The following EML5 variants were observed in gnomAD, a reference collection of about 807,000 sequenced individuals.
EML5 encodes echinoderm microtubule-associated protein-like 5.
A neutral mutation model predicts 250.0 loss-of-function variants in EML5; 120 were observed. The ratio of observed to expected loss-of-function variants is 0.48; its 90% confidence interval spans 0.41 to 0.56. EML5 has a LOEUF of 0.56. Among genes scored for constraint, EML5 ranks in the 20% least tolerant of loss-of-function variants. The probability of loss-of-function intolerance (pLI) is 0.00; values close to 1 mark genes in which losing one functional copy is unlikely to be tolerated. For synonymous variants in EML5, 771 were observed against 806.5 expected (o/e 0.96, Z 0.75); for missense variants, 2,006 against 2,437.6 (o/e 0.82, Z 3.73).
intron 1 of EML5, among the ~76,000 whole-genome samples, chr14:88,773,846 T>C (rs1422063431): frequency 1.3e-5 from 2 of 152,104 alleles, no homozygotes; most frequent in African/African-American, 2.4e-5. Flanking sequence ...GGGCCGGGCA[T>C]AGTGGCTCAT....
chr14:88,631,625 C>T (rs781293062), intron 33 of EML5, among the ~76,000 whole-genome samples: 40 of 152,184 alleles, frequency 2.6e-4, no homozygotes, highest in Non-Finnish European at 4.9e-4. Flanking sequence ...AAAAAGTTAG[C>T]TGGGCGTGGT....
At chr14:88,666,535 A>T (rs943508375) in intron 21 of EML5, among the ~76,000 whole-genome samples, 1 of 152,144 alleles carries the variant, frequency 6.6e-6, no homozygotes, top group African/African-American at 2.4e-5. Context: ...CTATGAAACT[A>T]AAATATTTTT....
At chr14:88,709,449 C>T (rs2093369554) in intron 10 of EML5, among the ~76,000 whole-genome samples, 1 of 151,850 alleles carries the variant, frequency 6.6e-6, no homozygotes, top group Non-Finnish European at 1.5e-5. Context: ...GATATGAACC[C>T]ATGTTTGACA....
intron 37 of EML5, 97 bp from the exon 38 acceptor site, chr14:88,621,398 A>G (rs752353730): frequency 1.5e-5 from 23 of 1,489,890 alleles, no homozygotes; most frequent in Middle Eastern, 1.7e-4. Flanking sequence ...CTTTCAGAGA[A>G]CTTTTTGCTT....
At chr14:88,635,315 TAACTC>T (rs1437701457) in intron 32 of EML5, among the ~76,000 whole-genome samples, 1 of 152,154 alleles carries the variant, frequency 6.6e-6, no homozygotes, top group Non-Finnish European at 1.5e-5. Flanking sequence ...ATAAAGTACT[TAACTC>T]TGCTGAGCAG....
chr14:88,711,525 G>A (rs562364753), intron 10 of EML5, among the ~76,000 whole-genome samples: 73 of 151,700 alleles, frequency 4.8e-4, no homozygotes, highest in Admixed American at 1.2e-3. Flanking sequence ...ATTGGATCTC[G>A]TGAGAATTCA....
At chr14:88,788,644 T>C (rs1270320236) in intron 1 of EML5, among the ~76,000 whole-genome samples, 1 of 152,180 alleles carries the variant, frequency 6.6e-6, no homozygotes, top group Non-Finnish European at 1.5e-5. Flanking sequence ...CCCAAGTTAA[T>C]TATATTCCAT....
rs753350297 is a variant in EML5 at position 88,682,040 on chromosome 14, A to G, written c.2983-9T>C. The G allele has an allele frequency of 6.3e-7, 1 of 1,582,524 alleles. No individual in the cohort carries two copies. The highest frequency in any genetic ancestry group is 1.4e-5 in the African/African-American group (1 of 73,490). ...TCTCCTTCCATGTGTCCCTATAAAGAAAACATAGGATCAATTTAGTGTATG... is the reference window on the plus strand; with the variant it reads ...TCTCCTTCCATGTGTCCCTATAAAGGAAACATAGGATCAATTTAGTGTATG... On this transcript the variant is annotated splice_polypyrimidine_tract_variant and intron_variant, in intron 20 of 43. Transcript: ENST00000554922.
chr14:88,625,257 C>CA, intron 35 of EML5, 130 bp from the exon 36 acceptor site: 1 of 1,084,858 alleles, frequency 9.2e-7, no homozygotes, highest in Non-Finnish European at 1.3e-6. Context: ...GTAGTGGCAG[C>CA]AGCACTGAAT....
At position 88,620,468 on chromosome 14, in the gene EML5, G is replaced by T. The variant is rs1407924567; in HGVS notation, c.5375+286C>A. On this transcript the variant is annotated intron_variant, in intron 39 of 43. Coordinates refer to ENST00000554922, the MANE Select transcript of EML5 (RefSeq NM_183387.3). This position sits in a 1 kb window ranked among gnomAD's most constrained non-coding sequence, Gnocchi z 4.3. ...ATAGCTCTCTTGTATTACAGTGGGAGATACCTCTTGGTGGGATGAACTTAA... is the reference window on the plus strand; with the variant it reads ...ATAGCTCTCTTGTATTACAGTGGGATATACCTCTTGGTGGGATGAACTTAA... 2 of 261,764 alleles carry T rather than the reference G, an allele frequency of 7.6e-6. No individual in the cohort carries two copies. Among genetic ancestry groups the T allele is most frequent in the Non-Finnish European group, 1.4e-5 (2 of 140,494 alleles). The allele number at this position is 261,764 out of a possible 1,614,324, so 16.2% of individuals were successfully genotyped here.
chr14:88,712,636 A>G (rs778419508), intron 9 of EML5, among the ~76,000 whole-genome samples, 153 bp from the exon 10 acceptor site: 2 of 152,224 alleles, frequency 1.3e-5, no homozygotes, highest in Non-Finnish European at 2.9e-5. Flanking sequence ...AGTTTGGGTT[A>G]AGAGAAAAGA....
intron 7 of EML5, among the ~76,000 whole-genome samples, chr14:88,731,737 C>T (rs2093761598): frequency 6.6e-6 from 1 of 152,132 alleles, no homozygotes; most frequent in Admixed American, 6.5e-5. Flanking sequence ...CCTGTTGTTT[C>T]CTGACTTTTT....
intron 7 of EML5, among the ~76,000 whole-genome samples, chr14:88,732,209 T>C (rs1236498403): frequency 2.0e-5 from 3 of 152,234 alleles, no homozygotes; most frequent in Non-Finnish European, 4.4e-5. Context: ...GTCTAACATG[T>C]AAGTCTTTAA....
chr14:88,736,688 G>GT, intron 6 of EML5, 123 bp from the exon 7 acceptor site: 1 of 878,840 alleles, frequency 1.1e-6, no homozygotes. Flanking sequence ...ACCTAAGACA[G>GT]TTTAAAGCCT....
chr14:88,653,969 T>G (rs889189966), intron 27 of EML5, among the ~76,000 whole-genome samples: 11 of 152,128 alleles, frequency 7.2e-5, no homozygotes, highest in African/African-American at 2.4e-4. Flanking sequence ...TTCCAGACTT[T>G]GTTATTGGTC....
Position 88,736,533 on chromosome 14 carries a change from C to T in EML5, c.880G>A (p.Asp294Asn). Reference sequence around the variant, plus strand: ...TCCTGTGTTCCAACTAGAATGTGGTCACCTCGCCAACACACACTCCTTACA... The same window carrying T: ...TCCTGTGTTCCAACTAGAATGTGGTTACCTCGCCAACACACACTCCTTACA... ...LSVRSVCWRG[D>N]HILVGTQDSE... The change falls in exon 7 of 44, where the codon GAC (aspartate) becomes AAC (asparagine). Residue 294 changes from aspartate to asparagine, a missense_variant. This residue lies in a region of EML5 where 1,375 missense variants were observed against 1,590.3 expected (regional missense o/e 0.86). Transcript: ENST00000554922. 3 of 1,613,820 alleles carry T rather than the reference C, an allele frequency of 1.9e-6. No homozygotes were observed. The highest frequency in any genetic ancestry group is 2.5e-6 in the Non-Finnish European group (3 of 1,179,854).
rs1395850809 is a variant in EML5, at chr14:88,615,023, C to G, written c.*795G>C. On this transcript the variant is annotated 3_prime_UTR_variant, in exon 44 of 44. Coordinates refer to ENST00000554922, the MANE Select transcript of EML5 (RefSeq NM_183387.3). ...TCTTCCAGTTAAATACTGTTGCTCC[C>G]TAAAACCCTTACATTGTACACCATT... 1 of 152,148 alleles carries G rather than the reference C, an allele frequency of 6.6e-6. No homozygotes were observed. Among genetic ancestry groups the G allele is most frequent in the Non-Finnish European group, 1.5e-5 (1 of 68,032 alleles). The allele number at this position is 152,148 out of a possible 1,614,324, so 9.4% of individuals were successfully genotyped here. A position where few individuals can be genotyped will look rare whatever the true frequency, so the allele number is the denominator to read the frequency against.
intron 3 of EML5, 42 bp from the exon 4 acceptor site, chr14:88,744,133 G>A (rs1242988975): frequency 6.4e-6 from 9 of 1,407,938 alleles, no homozygotes; most frequent in Non-Finnish European, 5.8e-6. Context: ...CTTATTTCCA[G>A]AATCATTTAA....
At chr14:88,740,255 T>C (rs2093905101) in intron 5 of EML5, 132 bp downstream of exon 5, 1 of 602,852 alleles carries the variant, frequency 1.7e-6, no homozygotes. Flanking sequence ...AACAAATAGA[T>C]AATTCAGTTA....
Sources: allele counts gnomAD v4.1 joint callset (sites outside exome capture counted in the v4.1 genomes callset), GRCh38; gene constraint gnomAD v4.1.1; regional missense constraint gnomAD v4.1.1; non-coding constraint Gnocchi (gnomAD v3.1); transcripts MANE v1.5; gene names NCBI Gene and HGNC (gene_info 2026-07-23, HGNC 2026-07-21).